Variants in OGDHL observed in about 807,000 individuals in gnomAD.
OGDHL encodes oxoglutarate dehydrogenase L.
In OGDHL, 79 loss-of-function variants were observed where a neutral mutation model predicts 109.6. That is an observed-to-expected ratio of 0.72 (90% confidence interval 0.60 to 0.87). The LOEUF (loss-of-function observed/expected upper bound fraction) is 0.87, where lower values mean the gene tolerates loss of function less well. OGDHL is among the 40% of genes least tolerant of loss of function. The pLI, the probability that OGDHL is intolerant of heterozygous loss-of-function variation, is 0.00. For synonymous variants in OGDHL, 528 were observed against 537.2 expected (o/e 0.98, Z 0.24); for missense variants, 1,275 against 1,362.2 (o/e 0.94, Z 1.01).
chr10:49,752,330 C>T, intron 4 of OGDHL, 82 bp from the exon 5 acceptor site: 1 of 1,000,406 alleles, frequency 1.0e-6, no homozygotes, highest in Non-Finnish European at 1.6e-6. Flanking sequence ...CGCAGTCTCA[C>T]CAGACCTCCC....
Position 49,752,286 on chromosome 10 carries a change from G to A in OGDHL, c.479-38C>T, listed in dbSNP as rs1451130663. ...GCGTGGCCGAGCCCCGGGCAGCAAA[G>A]TGGAGGGAGGGAGGTCAGGCCCAGG... On this transcript the variant is annotated intron_variant, in intron 4 of 22. Coordinates refer to ENST00000374103, the MANE Select transcript of OGDHL (RefSeq NM_018245.3). 3.3e-6 allele frequency: 5 copies of A among 1,519,656 alleles called. No individual in the cohort carries two copies. In the East Asian group the frequency reaches 9.0e-5, roughly 27 times the overall value. 94.1% of individuals were successfully genotyped at this position (1,519,656 alleles called of 1,614,324 possible).
intron 20 of OGDHL, 125 bp from the exon 21 acceptor site, chr10:49,736,645 C>T: frequency 1.0e-6 from 1 of 969,640 alleles, no homozygotes; most frequent in Non-Finnish European, 1.5e-6. Context: ...GGACTTGTGG[C>T]TGCAGTGGAC....
intron 20 of OGDHL, among the ~76,000 whole-genome samples, chr10:49,737,502 T>C (rs1197985472): frequency 1.3e-5 from 2 of 152,242 alleles, no homozygotes; most frequent in Non-Finnish European, 2.9e-5. Flanking sequence ...ACTCAATATC[T>C]TGCGAACTCA....
rs1041024660 is a variant in OGDHL at position 49,735,252 on chromosome 10, C to T, written c.3009G>A (p.Gln1003=). ...TCTAAAATGTCTTGCCCTCAAAGGC[C>T]TGGAGATTGAAGGCAGTATCCAGAA... ...KKFLDTAFNL[Q]AFEGKTF Residue 1003 remains glutamine, a synonymous_variant, in exon 23 of 23, where the codon CAG becomes CAA. Transcript: ENST00000374103. The T allele has an allele frequency of 6.2e-6, 10 of 1,614,106 alleles. No homozygotes were observed. Among genetic ancestry groups the T allele is most frequent in the Non-Finnish European group, 7.6e-6 (9 of 1,179,966 alleles).
Position 49,735,159 on chromosome 10 carries a change from C to T in OGDHL, c.*69G>A. The stretch of plus-strand genomic sequence containing the variant: ...CCTCTCCTGGGCAGGAGCTCCGCCC[C>T]TCCCCTTTTCATCACCCCCTTGGTC... On this transcript the variant is annotated 3_prime_UTR_variant, in exon 23 of 23. Coordinates refer to ENST00000374103, the MANE Select transcript of OGDHL (RefSeq NM_018245.3). 9 of 1,563,696 alleles carry T rather than the reference C, an allele frequency of 5.8e-6. No homozygotes were observed. Among genetic ancestry groups the T allele is most frequent in the Non-Finnish European group, 6.1e-6 (7 of 1,155,778 alleles).
chr10:49,758,459 C>T lies in OGDHL; in HGVS notation c.134G>A (p.Gly45Asp), dbSNP rs141422972. 3 of 1,613,968 alleles carry T rather than the reference C, an allele frequency of 1.9e-6. No homozygotes were observed. The highest frequency in any genetic ancestry group is 1.3e-5 in the African/African-American group (1 of 75,058). Reference sequence around the variant, plus strand: ...CTCCATGTAACTGGAGCCGCCTCCACCTTTGCTGCTTGGGAAGGTGGCCGG... The same window carrying T: ...CTCCATGTAACTGGAGCCGCCTCCATCTTTGCTGCTTGGGAAGGTGGCCGG... ...GPPATFPSSK[G>D]GGGSSYMEEM... The change falls in exon 2 of 23, where the codon GGT becomes GAT. Residue 45 changes from glycine to aspartate, a missense_variant. Physicochemically the swap from Gly to Asp is moderately conservative, Grantham distance 94. Transcript: ENST00000374103.
chr10:49,737,919 T>C (rs1429996423), intron 19 of OGDHL, 28 bp downstream of exon 19: 1 of 1,614,098 alleles, frequency 6.2e-7, no homozygotes, highest in East Asian at 2.2e-5. Context: ...CCCCTGCCTG[T>C]GACCCCTGCC....
Sources: gnomAD v4.1 joint callset for allele counts (sites outside exome capture counted in the v4.1 genomes callset) on GRCh38, gnomAD v4.1.1 for gene constraint, MANE v1.5 for transcripts, NCBI Gene and HGNC (gene_info 2026-07-23, HGNC 2026-07-21) for gene names.